CYP4F22: variants seen among roughly 807,000 people sequenced by gnomAD.
CYP4F22 encodes ultra-long-chain fatty acid omega-hydroxylase.
A neutral mutation model predicts 60.4 loss-of-function variants in CYP4F22; 37 were observed. The observed-to-expected ratio is 0.61, with a 90% CI of 0.47 to 0.81. The LOEUF (loss-of-function observed/expected upper bound fraction) is 0.81, where lower values mean the gene tolerates loss of function less well. Among genes scored for constraint, CYP4F22 ranks in the 30% least tolerant of loss-of-function variants. CYP4F22 has a pLI of 0.00. For synonymous variants in CYP4F22, 258 were observed against 280.5 expected (o/e 0.92, Z 0.80); for missense variants, 655 against 715.0 (o/e 0.92, Z 0.96).
At chr19:15,527,525 G>T (rs745818262) in intron 3 of CYP4F22, among the ~76,000 whole-genome samples, 4 of 152,210 alleles carry the variant, frequency 2.6e-5, no homozygotes, top group Non-Finnish European at 4.4e-5. Flanking sequence ...TGGGTTTGAT[G>T]GTTGTCCTAG....
At position 15,525,332 on chromosome 19, in the gene CYP4F22, C is replaced by G; in HGVS notation, c.-1-4C>G. 3 of 1,612,914 alleles carry G rather than the reference C, an allele frequency of 1.9e-6. No individual in the cohort carries two copies. Among genetic ancestry groups the G allele is most frequent in the Non-Finnish European group, 2.5e-6 (3 of 1,179,934 alleles). On this transcript the variant is annotated splice_polypyrimidine_tract_variant and splice_region_variant and intron_variant, in intron 2 of 13. Transcript: ENST00000269703. ...ACCGACCCCCTGACCCTGTGTGTCC[C>G]CAGGATGCTGCCCATCACAGACCGC...
In CYP4F22 at chr19:15,517,276, A is replaced by T. The variant is rs146501551; in HGVS notation, c.-108-6417A>T. Among the ~76,000 whole-genome samples, 175 of 152,272 alleles carry T rather than the reference A, an allele frequency of 1.1e-3. 1 individual carries two copies. The highest frequency in any genetic ancestry group is 3.9e-3 in the African/African-American group (160 of 41,556). On this transcript the variant is annotated intron_variant, in intron 1 of 13. Coordinates refer to ENST00000269703, the MANE Select transcript of CYP4F22 (RefSeq NM_173483.4). ...CTTTCATGGTGGTCTTCCCATGGGC[A>T]TCTGGTGGACCTCTTGTCATGATTC...
intron 10 of CYP4F22, among the ~76,000 whole-genome samples, chr19:15,545,679 AAAGAAAAGAAAAG>A (rs1180862297): frequency 4.8e-4 from 19 of 39,412 alleles, no homozygotes; most frequent in African/African-American, 1.9e-3. Flanking sequence ...AAAGAAAAGA[AAAGAAAAGAAAAG>A]AAGAAAAACA....
intron 9 of CYP4F22, 30 bp from the exon 10 acceptor site, chr19:15,544,120 C>T: frequency 3.1e-6 from 5 of 1,614,162 alleles, no homozygotes; most frequent in Non-Finnish European, 4.2e-6. Flanking sequence ...TTCAGGCAGC[C>T]TCCATTCAGA....
intron 4 of CYP4F22, among the ~76,000 whole-genome samples, chr19:15,534,641 G>T (rs896744802): frequency 6.6e-6 from 1 of 152,100 alleles, no homozygotes; most frequent in Non-Finnish European, 1.5e-5. Flanking sequence ...TGCTGGAGGG[G>T]AAAACTGGTG....
intron 7 of CYP4F22, among the ~76,000 whole-genome samples, chr19:15,539,654 C>T (rs1441094756): frequency 1.3e-5 from 2 of 152,186 alleles, no homozygotes; most frequent in Non-Finnish European, 2.9e-5. Context: ...GTGGTTGTAC[C>T]ATTTTGCTCT....
At chr19:15,520,410 T>C (rs1456361262) in intron 1 of CYP4F22, among the ~76,000 whole-genome samples, 2 of 150,896 alleles carry the variant, frequency 1.3e-5, no homozygotes, top group Admixed American at 6.6e-5. Context: ...CTGTTTTTTT[T>C]TTTGAGACGG....
rs767947476 is a variant in CYP4F22, at chr19:15,550,771, TCC to T, written c.1418+18_1418+19del. On this transcript the variant is annotated intron_variant, in intron 13 of 13. Transcript: ENST00000269703. Reference sequence around the variant, plus strand: ...GCAGGACCCAGGTAACCCCTCTATTTCCCCTAGTCCAAGCCAGCTGTGTAGGA... The same window carrying T: ...GCAGGACCCAGGTAACCCCTCTATTTCCTAGTCCAAGCCAGCTGTGTAGGA... The T allele has an allele frequency of 6.2e-7, 1 of 1,613,686 alleles. No individual in the cohort carries two copies. Among genetic ancestry groups the T allele is most frequent in the South Asian group, 1.1e-5 (1 of 91,082 alleles).
At chr19:15,528,200 C>T (rs1050170630) in intron 3 of CYP4F22, among the ~76,000 whole-genome samples, 1 of 152,306 alleles carries the variant, frequency 6.6e-6, no homozygotes, top group East Asian at 1.9e-4. Flanking sequence ...CACCTGCAAT[C>T]CCAGCACGTT....
At chr19:15,541,679 G>A (rs1233044481) in intron 8 of CYP4F22, among the ~76,000 whole-genome samples, 2 of 151,858 alleles carry the variant, frequency 1.3e-5, no homozygotes, top group African/African-American at 4.8e-5. Context: ...TCAGGAATTC[G>A]AGACCAGCCT....
In CYP4F22 at chr19:15,537,859, A is replaced by T; in HGVS notation, c.550-13A>T. 6.2e-7 allele frequency: 1 copy of T among 1,613,412 alleles called. No individual in the cohort carries two copies. The highest frequency in any genetic ancestry group is 1.1e-5 in the South Asian group (1 of 91,042). On this transcript the variant is annotated splice_polypyrimidine_tract_variant and intron_variant, in intron 6 of 13. Coordinates refer to ENST00000269703, the MANE Select transcript of CYP4F22 (RefSeq NM_173483.4). The stretch of plus-strand genomic sequence containing the variant: ...TGGTTTCCATGCACAGTCACCATGT[A>T]TCTCTCTTCCAGGCTAAATGGCGGC...
At chr19:15,540,914 G>GTC (rs1446133432) in intron 8 of CYP4F22, among the ~76,000 whole-genome samples, 197 bp downstream of exon 8, 1 of 152,156 alleles carries the variant, frequency 6.6e-6, no homozygotes, top group Admixed American at 6.5e-5. Context: ...GGGAGACCCT[G>GTC]TCTCTACAAA....
Position 15,521,938 on chromosome 19 carries a change from A to C in CYP4F22, c.-108-1755A>C, listed in dbSNP as rs1033612827. On this transcript the variant is annotated intron_variant, in intron 1 of 13. Coordinates refer to ENST00000269703, the MANE Select transcript of CYP4F22 (RefSeq NM_173483.4). ...GGTGGGTGGATGGCCTGAGGTGAGG[A>C]GTTCGAGACCAGCCTGGCCAGCATG... Among the ~76,000 whole-genome samples the C allele has an allele frequency of 3.3e-5, 5 of 152,060 alleles. No homozygotes were observed. In the South Asian group the frequency reaches 8.3e-4, roughly 25 times the overall value.
chr19:15,514,251 G>A (rs1368224936), intron 1 of CYP4F22, among the ~76,000 whole-genome samples: 1 of 152,134 alleles, frequency 6.6e-6, no homozygotes, highest in African/African-American at 2.4e-5. Context: ...ATGGTGCTGG[G>A]TTAGTCAATG....
At chr19:15,532,697 T>A (rs1196225087) in intron 4 of CYP4F22, among the ~76,000 whole-genome samples, 3 of 151,458 alleles carry the variant, frequency 2.0e-5, no homozygotes, top group Non-Finnish European at 2.9e-5. Context: ...TTTTTCTCCT[T>A]CCTCCTCCCT....
intron 1 of CYP4F22, among the ~76,000 whole-genome samples, chr19:15,518,603 C>T (rs113729713): frequency 0.028 from 3,832 of 136,800 alleles, 174 homozygotes; most frequent in African/African-American, 0.1. Flanking sequence ...GAGCCGAGAT[C>T]GCGCCACTGC....
At chr19:15,533,447 G>C (rs1971364144) in intron 4 of CYP4F22, among the ~76,000 whole-genome samples, 1 of 152,026 alleles carries the variant, frequency 6.6e-6, no homozygotes, top group Admixed American at 6.6e-5. Flanking sequence ...CCTCGAATCT[G>C]CTTTCTGTCT....
At chr19:15,545,865 C>G (rs1403656104) in intron 10 of CYP4F22, among the ~76,000 whole-genome samples, 1 of 152,010 alleles carries the variant, frequency 6.6e-6, no homozygotes, top group Non-Finnish European at 1.5e-5. Context: ...GAAGATGTCT[C>G]AGGTTGAGAG....
chr19:15,542,451 C>T (rs541837115), intron 8 of CYP4F22, among the ~76,000 whole-genome samples: 3 of 152,204 alleles, frequency 2.0e-5, no homozygotes, highest in Admixed American at 6.5e-5. Flanking sequence ...GCAGGAGAAT[C>T]GCTTGAACCC....
Sources: allele counts gnomAD v4.1 joint callset (sites outside exome capture counted in the v4.1 genomes callset), GRCh38; gene constraint gnomAD v4.1.1; transcripts MANE v1.5; gene names NCBI Gene and HGNC (gene_info 2026-07-23, HGNC 2026-07-21).